The following UST variants were observed in gnomAD, a reference collection of about 807,000 sequenced individuals.
The protein encoded by UST is uronyl 2-sulfotransferase.
In UST, 21 loss-of-function variants were observed where a neutral mutation model predicts 45.6. That is an observed-to-expected ratio of 0.46 (90% CI 0.33 to 0.66). UST has a LOEUF of 0.66. UST is among the 30% of genes least tolerant of loss of function. UST has a pLI of 0.02. For missense variants in UST, 463 were observed against 512.4 expected, an observed-to-expected ratio of 0.90 and a Z score of 0.93; for synonymous variants, 215 against 200.6, an observed-to-expected ratio of 1.07 and a Z score of -0.61.
intron 1 of UST, among the ~76,000 whole-genome samples, chr6:148,877,588 G>A (rs573959670): frequency 1.6e-5 from 2 of 122,964 alleles, no homozygotes; most frequent in East Asian, 4.6e-4. Flanking sequence ...GTATGAGTGC[G>A]AGGGGTCGTG....
chr6:148,908,660 C>T (rs1293496969), intron 2 of UST, among the ~76,000 whole-genome samples: 1 of 152,052 alleles, frequency 6.6e-6, no homozygotes, highest in Non-Finnish European at 1.5e-5. Flanking sequence ...ATCAAATTCT[C>T]TTTTTAACTC....
intron 7 of UST, among the ~76,000 whole-genome samples, chr6:149,060,112 A>T (rs1317906754): frequency 6.6e-6 from 1 of 152,224 alleles, no homozygotes. Flanking sequence ...GCATTTTTAA[A>T]CAACAAGAAA....
intron 1 of UST, among the ~76,000 whole-genome samples, chr6:148,796,797 CTTTTTTTTTTT>C (rs1195878764): frequency 2.8e-5 from 2 of 72,054 alleles, no homozygotes; most frequent in East Asian, 9.6e-4. Flanking sequence ...TCTGATAATT[CTTTTTTTTTTT>C]TTTTTTTTTT....
Position 149,007,725 on chromosome 6 carries a change from C to G in UST, c.682-11414C>G, listed in dbSNP as rs140092519. On this transcript the variant is annotated intron_variant, in intron 5 of 7. Coordinates refer to ENST00000367463, the MANE Select transcript of UST (RefSeq NM_005715.3). ...AGGCGTGAGCCACCGCGCCCGACCT[C>G]CAGGCAAACATTTAAGACAGGGGGT... is the stretch of plus-strand genomic sequence containing the variant. Among the ~76,000 whole-genome samples the G allele has an allele frequency of 4.5e-3, 686 of 152,180 alleles. 3 individuals carry two copies. The highest frequency in any genetic ancestry group is 7.9e-3 in the Non-Finnish European group (534 of 67,990).
chr6:148,918,002 G>T (rs1352738184), intron 2 of UST, among the ~76,000 whole-genome samples: 1 of 152,044 alleles, frequency 6.6e-6, no homozygotes, highest in Non-Finnish European at 1.5e-5. Context: ...GTGGGTCCCG[G>T]GTGGCTGCAA....
At chr6:148,800,226 A>G (rs927862062) in intron 1 of UST, among the ~76,000 whole-genome samples, 3 of 152,288 alleles carry the variant, frequency 2.0e-5, no homozygotes, top group East Asian at 3.9e-4. Context: ...TTAAATCTGT[A>G]AGTCTGGTTC....
At chr6:148,935,350 A>G (rs1198614602) in intron 2 of UST, among the ~76,000 whole-genome samples, 1 of 152,250 alleles carries the variant, frequency 6.6e-6, no homozygotes, top group African/African-American at 2.4e-5. Flanking sequence ...CCAAGAATGA[A>G]GAATCACTTG....
intron 1 of UST, among the ~76,000 whole-genome samples, chr6:148,839,712 C>T (rs1422362242): frequency 2.0e-5 from 3 of 152,148 alleles, no homozygotes; most frequent in Admixed American, 2.0e-4. Context: ...GCTTCTCCTC[C>T]AACATTTGGA....
chr6:148,964,675 A>G, intron 5 of UST, 112 bp downstream of exon 5: 1 of 1,395,670 alleles, frequency 7.2e-7, no homozygotes, highest in African/African-American at 1.4e-5. Flanking sequence ...GCCTCCATGG[A>G]GCGTGGCGCA....
At chr6:148,939,991 G>A (rs1780092806) in intron 2 of UST, among the ~76,000 whole-genome samples, 2 of 152,028 alleles carry the variant, frequency 1.3e-5, no homozygotes, top group African/African-American at 2.4e-5. Flanking sequence ...ATATATATAT[G>A]GAACTCTTAA....
chr6:149,066,453 G>A (rs1301496188), intron 7 of UST, among the ~76,000 whole-genome samples: 1 of 152,078 alleles, frequency 6.6e-6, no homozygotes, highest in South Asian at 2.1e-4. Context: ...AAGAAGAGGG[G>A]GTGGATGAGG....
intron 1 of UST, among the ~76,000 whole-genome samples, chr6:148,884,132 CAAAA>C (rs35086035): frequency 1.1e-5 from 1 of 94,848 alleles, no homozygotes; most frequent in Admixed American, 1.2e-4. Flanking sequence ...GACACCGTCT[CAAAA>C]AAAAAAAAAA....
At chr6:148,843,879 G>C (rs1423400425) in intron 1 of UST, among the ~76,000 whole-genome samples, 1 of 151,980 alleles carries the variant, frequency 6.6e-6, no homozygotes, top group African/African-American at 2.4e-5. Flanking sequence ...ATAATGTTCT[G>C]CATAGAGCAC....
At chr6:148,967,321 C>T (rs1457545955) in intron 5 of UST, among the ~76,000 whole-genome samples, 2 of 150,162 alleles carry the variant, frequency 1.3e-5, no homozygotes, top group Non-Finnish European at 1.5e-5. Context: ...AGCAGAAACT[C>T]GGGGGGGCTC....
At chr6:148,755,177 A>G (rs903938488) in intron 1 of UST, among the ~76,000 whole-genome samples, 2 of 152,346 alleles carry the variant, frequency 1.3e-5, no homozygotes, top group African/African-American at 2.4e-5. Flanking sequence ...TCCTTATACA[A>G]TATATGAAGC....
intron 7 of UST, among the ~76,000 whole-genome samples, chr6:149,024,049 T>C (rs548123393): frequency 2.9e-4 from 44 of 152,358 alleles, no homozygotes; most frequent in African/African-American, 1.1e-3. Flanking sequence ...GACATCTGGT[T>C]TTCCTGTGTA....
intron 5 of UST, among the ~76,000 whole-genome samples, chr6:148,981,596 ACTT>A (rs1781136042): frequency 6.6e-6 from 1 of 152,160 alleles, no homozygotes; most frequent in African/African-American, 2.4e-5. Flanking sequence ...TTTCACCTGT[ACTT>A]CTTCAGCACC....
chr6:148,986,580 GT>G (rs1301762549), intron 5 of UST, among the ~76,000 whole-genome samples: 2 of 152,218 alleles, frequency 1.3e-5, no homozygotes, highest in Non-Finnish European at 2.9e-5. Context: ...TTGTTTGCTT[GT>G]TTCTGAAAAG....
intron 1 of UST, among the ~76,000 whole-genome samples, chr6:148,780,955 C>T (rs999212519): frequency 2.6e-5 from 4 of 152,126 alleles, no homozygotes; most frequent in Admixed American, 2.6e-4. Flanking sequence ...CTGACTGCTC[C>T]ACCTACCTGT....
Sources: gnomAD v4.1 joint callset for allele counts (sites outside exome capture counted in the v4.1 genomes callset) on GRCh38, gnomAD v4.1.1 for gene constraint, MANE v1.5 for transcripts, NCBI Gene and HGNC (gene_info 2026-07-23, HGNC 2026-07-21) for gene names.